Variants in RNF216 observed in about 807,000 individuals in gnomAD.
RNF216 encodes the protein ring finger protein 216, also known as E3 ubiquitin-protein ligase RNF216.
A neutral mutation model predicts 110.8 loss-of-function variants in RNF216; 72 were observed. That is an observed-to-expected ratio of 0.65 (90% CI 0.54 to 0.79). The LOEUF (loss-of-function observed/expected upper bound fraction) is 0.79. Among genes scored for constraint, RNF216 ranks in the 30% least tolerant of loss-of-function variants. The pLI, the probability that RNF216 is intolerant of heterozygous loss-of-function variation, is 0.00. For synonymous variants in RNF216, 495 were observed against 407.5 expected, an observed-to-expected ratio of 1.21 and a Z score of -2.59; for missense variants, 1,342 against 1,141.2, an observed-to-expected ratio of 1.18 and a Z score of -2.54.
chr7:5,766,977 T>C (rs960910460), intron 1 of RNF216: 4 of 152,190 alleles, frequency 2.6e-5, no homozygotes, highest in African/African-American at 9.7e-5. Flanking sequence ...AAAATGAGGA[T>C]GCTACTATGT....
At chr7:5,748,403 G>A (rs7795701) in intron 3 of RNF216, among the ~76,000 whole-genome samples, 10,825 of 152,112 alleles carry the variant, frequency 0.071, 1,286 homozygotes, top group African/African-American at 0.25. Context: ...GGGATTATAG[G>A]TGCTCACCAC....
rs1294318974 is a variant in RNF216 at position 5,696,426 on chromosome 7, T to A, written c.2061+15335A>T. Among the ~76,000 whole-genome samples, 1 of 152,206 alleles carries A rather than the reference T, an allele frequency of 6.6e-6. No homozygotes were observed. Among genetic ancestry groups the A allele is most frequent in the East Asian group, 1.9e-4 (1 of 5,202 alleles). On this transcript the variant is annotated intron_variant, in intron 13 of 16. Coordinates refer to ENST00000389902, the MANE Select transcript of RNF216 (RefSeq NM_207111.4). The surrounding 1 kb of genome is among the most constrained non-coding windows in gnomAD (Gnocchi z 5.4). ...TGAAGGTTACATGGTTTCCTCCTTA[T>A]GTAAAGCACCTGAGGACTAAAACAA...
chr7:5,625,532 C>G (rs968459951), intron 15 of RNF216, among the ~76,000 whole-genome samples: 2 of 152,206 alleles, frequency 1.3e-5, no homozygotes, highest in Admixed American at 1.3e-4. Flanking sequence ...CCATCGAGGG[C>G]TAACCAACGG....
intron 1 of RNF216, among the ~76,000 whole-genome samples, chr7:5,781,337 C>T (rs1797078678): frequency 1.3e-5 from 2 of 152,060 alleles, no homozygotes; most frequent in South Asian, 4.1e-4. Context: ...TCCAGCCTCG[C>T]CACCGCACCG....
intron 13 of RNF216, among the ~76,000 whole-genome samples, chr7:5,692,231 T>C (rs1207090090): frequency 6.6e-6 from 1 of 152,256 alleles, no homozygotes; most frequent in Non-Finnish European, 1.5e-5. Flanking sequence ...ATATGTACAC[T>C]GCCTTCTAAG....
intron 12 of RNF216, 42 bp downstream of exon 12, chr7:5,712,673 G>C (rs562007053): frequency 6.2e-7 from 1 of 1,608,884 alleles, no homozygotes; most frequent in African/African-American, 1.3e-5. Context: ...TTTTCACAAT[G>C]GGGAAGAGTT....
chr7:5,694,176 G>A (rs925509946), intron 13 of RNF216, among the ~76,000 whole-genome samples: 1 of 152,134 alleles, frequency 6.6e-6, no homozygotes, highest in Admixed American at 6.5e-5. Context: ...ACTAAAAAGG[G>A]CATTTTGTAA....
At chr7:5,725,501 C>A in intron 7 of RNF216, 63 bp from the exon 8 acceptor site, 1 of 948,658 alleles carries the variant, frequency 1.1e-6, no homozygotes, top group Non-Finnish European at 1.7e-6. Flanking sequence ...ACGAGACAGG[C>A]AATCCCTGAA....
rs1008139476 is a variant in RNF216, at chr7:5,712,815, T to C, written c.1882A>G (p.Ser628Gly). ...TGGGGGAGCACCTTCTCCAGCTCAC[T>C]GGTTGGGAACGAACACGTGCAGCTG... ...EGSCTCSFPTSELEKVLPQTI... is the reference protein window; with the variant it reads ...EGSCTCSFPTGELEKVLPQTI... The change falls in exon 12 of 17, where the codon AGT becomes GGT. Residue 628 changes from serine to glycine, a missense_variant. Coordinates refer to ENST00000389902, the MANE Select transcript of RNF216 (RefSeq NM_207111.4). 3.1e-6 allele frequency: 5 copies of C among 1,613,896 alleles called. No homozygotes were observed. In the African/African-American group the frequency reaches 4.0e-5, roughly 13 times the overall value.
At chr7:5,726,724 T>G (rs1584520615) in intron 7 of RNF216, among the ~76,000 whole-genome samples, 1 of 152,078 alleles carries the variant, frequency 6.6e-6, no homozygotes, top group East Asian at 1.9e-4. Flanking sequence ...CTGGACGTGG[T>G]AGCAAGCGCC....
chr7:5,684,682 G>C (rs951853043), intron 13 of RNF216, among the ~76,000 whole-genome samples: 1 of 152,186 alleles, frequency 6.6e-6, no homozygotes, highest in African/African-American at 2.4e-5. Context: ...AAAGGAACTT[G>C]ACTGATACCT....
chr7:5,745,705 G>C (rs1276768101), intron 3 of RNF216, among the ~76,000 whole-genome samples: 1 of 152,008 alleles, frequency 6.6e-6, no homozygotes, highest in Non-Finnish European at 1.5e-5. Flanking sequence ...TTAGAGACCA[G>C]CCTGACCAAC....
intron 1 of RNF216, chr7:5,780,158 C>T (rs1305302848): frequency 2.0e-5 from 3 of 152,160 alleles, no homozygotes; most frequent in Non-Finnish European, 4.4e-5. Flanking sequence ...CAATACATGG[C>T]ATTTAGATAG....
intron 1 of RNF216, among the ~76,000 whole-genome samples, chr7:5,779,106 T>C (rs1050861783): frequency 6.6e-5 from 10 of 152,380 alleles, no homozygotes; most frequent in African/African-American, 2.4e-4. Flanking sequence ...GAATGAATTA[T>C]GTCTCTAAAG....
intron 14 of RNF216, 26 bp downstream of exon 14, chr7:5,652,387 T>A: frequency 6.6e-7 from 1 of 1,512,966 alleles, no homozygotes; most frequent in African/African-American, 1.4e-5. Flanking sequence ...AATCAGCCCA[T>A]AGCCCCTCTG....
intron 15 of RNF216, among the ~76,000 whole-genome samples, chr7:5,632,332 G>T (rs1237640160): frequency 6.6e-6 from 1 of 152,222 alleles, no homozygotes; most frequent in Non-Finnish European, 1.5e-5. Flanking sequence ...GAAGGACCCA[G>T]CTGGCCTGAA....
intron 15 of RNF216, among the ~76,000 whole-genome samples, chr7:5,627,262 A>G (rs1407902979): frequency 6.6e-6 from 1 of 152,198 alleles, no homozygotes; most frequent in African/African-American, 2.4e-5. Flanking sequence ...AATCCACAGA[A>G]AAGATATCCT....
rs1381924846 is a variant in RNF216 at position 5,745,432 on chromosome 7, T to C, written c.202-3617A>G. Among the ~76,000 whole-genome samples, 3 of 152,250 alleles carry C rather than the reference T, an allele frequency of 2.0e-5. No homozygotes were observed. The East Asian group carries it at 5.8e-4, about 29-fold the overall frequency. On this transcript the variant is annotated intron_variant, in intron 3 of 16. Coordinates refer to ENST00000389902, the MANE Select transcript of RNF216 (RefSeq NM_207111.4). Reference sequence around the variant, plus strand: ...TTTATGTCTGTGGCCATTCGTGCTCTTCTCTATCAACACTATTAAAATTTT... The same window carrying C: ...TTTATGTCTGTGGCCATTCGTGCTCCTCTCTATCAACACTATTAAAATTTT...
At chr7:5,651,080 TTA>T (rs994247157) in intron 14 of RNF216, among the ~76,000 whole-genome samples, 1 of 152,228 alleles carries the variant, frequency 6.6e-6, no homozygotes, top group African/African-American at 2.4e-5. Flanking sequence ...CCTGTATCAC[TTA>T]TAACATAAAG....
Sources: allele counts gnomAD v4.1 joint callset (sites outside exome capture counted in the v4.1 genomes callset), GRCh38; gene constraint gnomAD v4.1.1; non-coding constraint Gnocchi (gnomAD v3.1); transcripts MANE v1.5; gene names NCBI Gene and HGNC (gene_info 2026-07-23, HGNC 2026-07-21).